KCNK13: variants seen among roughly 807,000 people sequenced by gnomAD.
The protein encoded by KCNK13 is potassium two pore domain channel subfamily K member 13.
In KCNK13, 12 loss-of-function variants were observed where a neutral mutation model predicts 23.4. That is an observed-to-expected ratio of 0.51 (90% CI 0.33 to 0.83). The LOEUF is 0.83. KCNK13 is among the 40% of genes least tolerant of loss of function. KCNK13 has a pLI of 0.02. For missense variants in KCNK13, 463 were observed against 556.3 expected (o/e 0.83, Z 1.69); for synonymous variants, 231 against 229.5 (o/e 1.01, Z -0.06).
chr14:90,093,589 T>C (rs1465870330), intron 1 of KCNK13, among the ~76,000 whole-genome samples: 1 of 152,076 alleles, frequency 6.6e-6, no homozygotes, highest in African/African-American at 2.4e-5. Flanking sequence ...CCAGCCTAAA[T>C]TAGATGAAGT....
chr14:90,108,881 C>T (rs1889577921), intron 1 of KCNK13, among the ~76,000 whole-genome samples: 1 of 152,166 alleles, frequency 6.6e-6, no homozygotes, highest in Non-Finnish European at 1.5e-5. Flanking sequence ...GCTTTGAAAA[C>T]TAAGAATCCC....
At chr14:90,078,574 AAGAG>A (rs537271592) in intron 1 of KCNK13, among the ~76,000 whole-genome samples, 7 of 150,198 alleles carry the variant, frequency 4.7e-5, no homozygotes, top group Non-Finnish European at 7.4e-5. Flanking sequence ...AGAAGGAAGG[AAGAG>A]AGAGAGAGAG....
intron 1 of KCNK13, among the ~76,000 whole-genome samples, chr14:90,091,225 G>A (rs184864013): frequency 6.6e-6 from 1 of 152,292 alleles, no homozygotes; most frequent in Admixed American, 6.5e-5. Flanking sequence ...GAGCAGTCAA[G>A]GTTTTCCTGA....
chr14:90,062,299 C>A lies in KCNK13; in HGVS notation c.94C>A (p.Leu32Met). The stretch of plus-strand genomic sequence containing the variant: ...GGCCGCGCTCATCGTGCTCTACCTG[C>A]TGGGCGGCGCCGCCGTCTTCTCCGC... ...LLAALIVLYL[L>M]GGAAVFSALE... The change falls in exon 1 of 2, where the codon CTG (leucine) becomes ATG (methionine). Residue 32 changes from leucine (L) to methionine (M), a missense_variant. Coordinates refer to ENST00000282146, the MANE Select transcript of KCNK13 (RefSeq NM_022054.4). The surrounding 1 kb of genome is among the most constrained non-coding windows in gnomAD (Gnocchi z 4.5). 1.3e-6 allele frequency: 2 copies of A among 1,562,010 alleles called. No homozygotes were observed.
chr14:90,070,000 C>T (rs1005323285), intron 1 of KCNK13, among the ~76,000 whole-genome samples: 3 of 152,116 alleles, frequency 2.0e-5, no homozygotes, highest in Non-Finnish European at 4.4e-5. Context: ...AAGTAGAAAT[C>T]ATCCATAATT....
At chr14:90,125,248 G>A (rs2140419253) in intron 1 of KCNK13, among the ~76,000 whole-genome samples, 1 of 150,794 alleles carries the variant, frequency 6.6e-6, no homozygotes, top group South Asian at 2.1e-4. Context: ...TTTTGAGATG[G>A]AGTCTCACTC....
At chr14:90,153,410 A>G (rs1223319941) in intron 1 of KCNK13, among the ~76,000 whole-genome samples, 2 of 152,142 alleles carry the variant, frequency 1.3e-5, no homozygotes, top group Non-Finnish European at 2.9e-5. Context: ...TATCTATCTC[A>G]CAGTTTCCTG....
At position 90,113,267 on chromosome 14, in the gene KCNK13, A is replaced by G. The variant is rs1039874394; in HGVS notation, c.334+50728A>G. ...AAAAACATGGTACTGGTTTACCTGC[A>G]TGGAAAAATTGTTGAAAGAATTAAA... On this transcript the variant is annotated intron_variant, in intron 1 of 1. Coordinates refer to ENST00000282146, the MANE Select transcript of KCNK13 (RefSeq NM_022054.4). Among the ~76,000 whole-genome samples the G allele has an allele frequency of 7.2e-5, 11 of 152,228 alleles. No individual in the cohort carries two copies. In the East Asian group the frequency reaches 1.4e-3, roughly 19 times the overall value.
chr14:90,142,519 C>T (rs1223738086), intron 1 of KCNK13, among the ~76,000 whole-genome samples: 3 of 151,124 alleles, frequency 2.0e-5, no homozygotes, highest in African/African-American at 7.3e-5. Context: ...GGGGTTTCAT[C>T]GTGTTAGCCA....
chr14:90,062,642 C>T lies in KCNK13; in HGVS notation c.334+103C>T. ...TCCTTTCATTCATCCATCTGGGCGC[C>T]CAGCCAGACTCCACTGACATGAGCT... On this transcript the variant is annotated intron_variant, in intron 1 of 1. Coordinates refer to ENST00000282146, the MANE Select transcript of KCNK13 (RefSeq NM_022054.4). This position sits in a 1 kb window ranked among gnomAD's most constrained non-coding sequence, Gnocchi z 4.5. 1.1e-6 allele frequency: 1 copy of T among 871,788 alleles called. No homozygotes were observed. Among genetic ancestry groups the T allele is most frequent in the Non-Finnish European group, 1.7e-6 (1 of 591,838 alleles). 54.0% of individuals were successfully genotyped at this position (871,788 alleles called of 1,614,324 possible).
At chr14:90,118,269 G>T (rs1248669500) in intron 1 of KCNK13, among the ~76,000 whole-genome samples, 1 of 152,166 alleles carries the variant, frequency 6.6e-6, no homozygotes, top group African/African-American at 2.4e-5. Context: ...GGTAATGAGG[G>T]GAGTTGGGCA....
At chr14:90,160,358 A>G (rs901403107) in intron 1 of KCNK13, among the ~76,000 whole-genome samples, 7 of 152,192 alleles carry the variant, frequency 4.6e-5, no homozygotes, top group Admixed American at 6.5e-5. Context: ...CCGAGTTTTC[A>G]TGAACAATTA....
intron 1 of KCNK13, among the ~76,000 whole-genome samples, chr14:90,079,431 CA>C (rs1889181768): frequency 6.6e-6 from 1 of 152,100 alleles, no homozygotes; most frequent in Non-Finnish European, 1.5e-5. Context: ...CACCTTGAGG[CA>C]AAGGAACTGG....
chr14:90,139,965 A>C (rs991105588), intron 1 of KCNK13, among the ~76,000 whole-genome samples: 1 of 152,122 alleles, frequency 6.6e-6, no homozygotes, highest in Non-Finnish European at 1.5e-5. Flanking sequence ...ACGTCTCAAA[A>C]ACAAACAAAA....
At chr14:90,155,143 T>C (rs906549726) in intron 1 of KCNK13, among the ~76,000 whole-genome samples, 5 of 151,982 alleles carry the variant, frequency 3.3e-5, no homozygotes, top group African/African-American at 1.2e-4. Flanking sequence ...TGAGTTTTCT[T>C]TAGGGTGGTT....
In KCNK13 at chr14:90,184,273, G is replaced by A. The variant is rs144597895; in HGVS notation, c.497G>A (p.Arg166Gln). Residue 166 changes from arginine (R) to glutamine (Q), a missense_variant, in exon 2 of 2, where the codon CGG becomes CAG. Physicochemically the swap from Arg to Gln is conservative, Grantham distance 43. Transcript: ENST00000282146. This position sits in a 1 kb window ranked among gnomAD's most constrained non-coding sequence, Gnocchi z 5.6. Reference protein sequence around the residue: ...IMKSCHQRQLRRRGALPQESL... With the variant: ...IMKSCHQRQLQRRGALPQESL... ...AAGTCGTGCCACCAGCGGCAGCTCCGGAGACGAGGGGCCCTGCCCCAGGAG... is the reference window on the plus strand; with the variant it reads ...AAGTCGTGCCACCAGCGGCAGCTCCAGAGACGAGGGGCCCTGCCCCAGGAG... 7.7e-5 allele frequency: 124 copies of A among 1,614,220 alleles called. No homozygotes were observed. Among genetic ancestry groups the A allele is most frequent in the Middle Eastern group, 1.6e-4 (1 of 6,062 alleles).
intron 1 of KCNK13, among the ~76,000 whole-genome samples, chr14:90,099,193 A>G (rs78267604): frequency 0.013 from 2,034 of 152,238 alleles, 51 homozygotes; most frequent in African/African-American, 0.047. Context: ...GAGAAGAGAT[A>G]TTTTTAAATA....
chr14:90,184,023 G>A lies in KCNK13; in HGVS notation c.335-88G>A. 7 of 1,163,506 alleles carry A rather than the reference G, an allele frequency of 6.0e-6. No homozygotes were observed. Among genetic ancestry groups the A allele is most frequent in the Non-Finnish European group, 8.6e-6 (7 of 809,316 alleles). The allele number at this position is 1,163,506 out of a possible 1,614,324, so 72.1% of individuals were successfully genotyped here. On this transcript the variant is annotated intron_variant, in intron 1 of 1. Coordinates refer to ENST00000282146, the MANE Select transcript of KCNK13 (RefSeq NM_022054.4). This position sits in a 1 kb window ranked among gnomAD's most constrained non-coding sequence, Gnocchi z 5.6. ...GAGTGATTTTATGAAACTCTCTTTA[G>A]GTCCTTTGCCAGCCATCAAAGCCAA...
intron 1 of KCNK13, among the ~76,000 whole-genome samples, chr14:90,164,003 G>C (rs1235289672): frequency 6.6e-6 from 1 of 152,148 alleles, no homozygotes; most frequent in African/African-American, 2.4e-5. Flanking sequence ...ACATTTCTAT[G>C]TTTAAAAGTC....
Sources: allele counts gnomAD v4.1 joint callset (sites outside exome capture counted in the v4.1 genomes callset), GRCh38; gene constraint gnomAD v4.1.1; non-coding constraint Gnocchi (gnomAD v3.1); transcripts MANE v1.5; gene names NCBI Gene and HGNC (gene_info 2026-07-23, HGNC 2026-07-21).